Variants in WWOX observed in about 807,000 individuals in gnomAD.
The protein encoded by WWOX is WW domain containing oxidoreductase, also known as WW domain-containing oxidoreductase.
In WWOX, 69 loss-of-function variants were observed where a neutral mutation model predicts 46.2. The observed-to-expected ratio is 1.49, with a 90% CI of 1.23 to 1.82. The LOEUF is 1.82. WWOX is among the 40% of genes most tolerant of loss of function. WWOX has a pLI of 0.00. For missense variants in WWOX, 919 were observed against 542.6 expected (o/e 1.69, Z -6.89); for synonymous variants, 359 against 202.6 (o/e 1.77, Z -6.56).
chr16:78,371,521 T>C (rs2081685732), intron 5 of WWOX, among the ~76,000 whole-genome samples: 1 of 141,432 alleles, frequency 7.1e-6, no homozygotes, highest in South Asian at 2.2e-4. Flanking sequence ...AAATATTCCA[T>C]TTTGTCTTTT....
chr16:78,460,649 C>T (rs1199979237), intron 8 of WWOX, among the ~76,000 whole-genome samples: 1 of 152,292 alleles, frequency 6.6e-6, no homozygotes, highest in South Asian at 2.1e-4. Flanking sequence ...CTGTGGCAGA[C>T]GTGTCCAATG....
chr16:78,114,825 A>G, intron 3 of WWOX, 151 bp from the exon 4 acceptor site: 1 of 932,610 alleles, frequency 1.1e-6, no homozygotes, highest in East Asian at 2.6e-5. Context: ...GGAGGCCAGA[A>G]GATAGATTCA....
At chr16:78,970,374 G>A (rs7198655) in intron 8 of WWOX, among the ~76,000 whole-genome samples, 2 of 152,144 alleles carry the variant, frequency 1.3e-5, no homozygotes, top group African/African-American at 2.4e-5. Context: ...ACATCAATTA[G>A]CATAACCTCA....
chr16:79,081,292 G>T (rs2048755835), intron 8 of WWOX, among the ~76,000 whole-genome samples: 2 of 152,074 alleles, frequency 1.3e-5, no homozygotes, highest in Admixed American at 6.5e-5. Context: ...GCCTCCTAGG[G>T]AGCTGGGATT....
intron 5 of WWOX, among the ~76,000 whole-genome samples, chr16:78,364,579 A>G (rs1020464946): frequency 6.6e-6 from 1 of 151,780 alleles, no homozygotes; most frequent in African/African-American, 2.4e-5. Flanking sequence ...AGAAAAAAAA[A>G]ATTTGTGGTT....
chr16:78,358,095 T>C (rs1207300031), intron 5 of WWOX, among the ~76,000 whole-genome samples: 3 of 152,316 alleles, frequency 2.0e-5, no homozygotes, highest in Non-Finnish European at 4.4e-5. Flanking sequence ...TTCTTTGTTT[T>C]TGTAAAAGCA....
chr16:78,981,915 C>G (rs2046690084), intron 8 of WWOX: 1 of 152,162 alleles, frequency 6.6e-6, no homozygotes, highest in Non-Finnish European at 1.5e-5. Context: ...CTTCAAGCAT[C>G]CTGAAGATTT....
chr16:78,838,865 A>G (rs1289414229), intron 8 of WWOX, among the ~76,000 whole-genome samples: 1 of 152,094 alleles, frequency 6.6e-6, no homozygotes, highest in African/African-American at 2.4e-5. Flanking sequence ...AAGAGAAGAA[A>G]AGGAAAGACA....
chr16:78,578,328 C>T (rs1189635957), intron 8 of WWOX, among the ~76,000 whole-genome samples: 1 of 105,530 alleles, frequency 9.5e-6, no homozygotes, highest in Non-Finnish European at 1.8e-5. Context: ...CTCACCCTTT[C>T]ACCCAGGCTG....
intron 4 of WWOX, among the ~76,000 whole-genome samples, chr16:78,150,334 A>G (rs2034358990): frequency 6.6e-6 from 1 of 152,182 alleles, no homozygotes; most frequent in South Asian, 2.1e-4. Flanking sequence ...CCACATGCTC[A>G]GCAATCTGGA....
intron 8 of WWOX, among the ~76,000 whole-genome samples, chr16:78,469,854 A>G (rs2151433437): frequency 6.6e-6 from 1 of 152,332 alleles, no homozygotes; most frequent in African/African-American, 2.4e-5. Flanking sequence ...TATTTGCTAA[A>G]CAGATCTAAG....
intron 8 of WWOX, among the ~76,000 whole-genome samples, chr16:79,021,430 G>T (rs546709900): frequency 1.3e-5 from 2 of 152,056 alleles, no homozygotes; most frequent in South Asian, 2.1e-4. Flanking sequence ...TACATAAAAC[G>T]CACGGGATCA....
At chr16:79,152,349 G>A (rs2050297026) in intron 8 of WWOX, among the ~76,000 whole-genome samples, 1 of 152,134 alleles carries the variant, frequency 6.6e-6, no homozygotes. Flanking sequence ...CTGGGGTGAA[G>A]CCAAGGGGAA....
chr16:78,520,286 C>T (rs773284835), intron 8 of WWOX, among the ~76,000 whole-genome samples: 19 of 152,156 alleles, frequency 1.2e-4, no homozygotes, highest in Non-Finnish European at 8.8e-5. Flanking sequence ...AAACACTCAA[C>T]GCAGTGAATT....
chr16:78,280,223 T>C (rs2079651928), intron 5 of WWOX, among the ~76,000 whole-genome samples: 1 of 152,236 alleles, frequency 6.6e-6, no homozygotes. Context: ...TACTTTATCG[T>C]CCATTGCTGG....
At chr16:79,103,582 C>G (rs943872044) in intron 8 of WWOX, among the ~76,000 whole-genome samples, 2 of 152,172 alleles carry the variant, frequency 1.3e-5, no homozygotes, top group Non-Finnish European at 2.9e-5. Context: ...TCCATACTAT[C>G]TGATTCAATC....
chr16:78,907,802 C>A (rs905380400), intron 8 of WWOX, among the ~76,000 whole-genome samples: 1 of 152,074 alleles, frequency 6.6e-6, no homozygotes, highest in South Asian at 2.1e-4. Context: ...TGGAGCCAGT[C>A]CTAGGGAAAC....
chr16:78,609,338 T>C (rs1243368597), intron 8 of WWOX, among the ~76,000 whole-genome samples: 1 of 152,184 alleles, frequency 6.6e-6, no homozygotes, highest in Non-Finnish European at 1.5e-5. Context: ...GGCTTAGCAC[T>C]GATGTATTTT....
At chr16:78,669,537 A>G (rs981415229) in intron 8 of WWOX, among the ~76,000 whole-genome samples, 1 of 152,218 alleles carries the variant, frequency 6.6e-6, no homozygotes, top group Admixed American at 6.5e-5. Flanking sequence ...AGTACCTACC[A>G]CAAAGAGTTA....
Sources: gnomAD v4.1 joint callset for allele counts (sites outside exome capture counted in the v4.1 genomes callset) on GRCh38, gnomAD v4.1.1 for gene constraint, MANE v1.5 for transcripts, NCBI Gene and HGNC (gene_info 2026-07-23, HGNC 2026-07-21) for gene names.